ZNRF3: variants seen among roughly 807,000 people sequenced by gnomAD.
ZNRF3 encodes the protein zinc and ring finger 3, also known as E3 ubiquitin-protein ligase ZNRF3.
Under a neutral mutation model 72.5 loss-of-function variants are expected in ZNRF3, and 23 were observed. The observed-to-expected ratio is 0.32, with a 90% CI of 0.23 to 0.45. The LOEUF is 0.45. Among genes scored for constraint, ZNRF3 ranks in the 20% least tolerant of loss-of-function variants. The pLI, the probability that ZNRF3 is intolerant of heterozygous loss-of-function variation, is 1.00. For missense variants in ZNRF3, 1,169 were observed against 1,272.1 expected, an observed-to-expected ratio of 0.92 and a Z score of 1.23; for synonymous variants, 610 against 545.3, an observed-to-expected ratio of 1.12 and a Z score of -1.65.
At chr22:29,031,460 G>A (rs932480151) in intron 2 of ZNRF3, 5 of 348,466 alleles carry the variant, frequency 1.4e-5, no homozygotes, top group Non-Finnish European at 2.0e-5. Context: ...CGGAAAACAG[G>A]GCCCTTGGTG....
rs1018486201 is a variant in ZNRF3 at position 28,883,811 on chromosome 22, C to T, written c.45C>T (p.Arg15=). 3.1e-6 allele frequency: 3 copies of T among 979,438 alleles called. No individual in the cohort carries two copies. In the African/African-American group the frequency reaches 5.3e-5, roughly 17 times the overall value. The allele number at this position is 979,438 out of a possible 1,614,324, so 60.7% of individuals were successfully genotyped here. The change falls in exon 1 of 9, where the codon CGC becomes CGT. Residue 15 remains arginine (R), a synonymous_variant. Coordinates refer to ENST00000544604, the MANE Select transcript of ZNRF3 (RefSeq NM_001206998.2). This position sits in a 1 kb window ranked among gnomAD's most constrained non-coding sequence, Gnocchi z 5.5. ...SGGRPGATGR[R]RRRLRRRPRG... ...GGCGCCCAGGGGCCACGGGCCGCCG[C>T]CGCCGCCGCCTGCGCCGCCGCCCCC...
chr22:29,014,225 A>ACTCACTGATTACTCATCATGTTACTC (rs1315918200), intron 2 of ZNRF3, among the ~76,000 whole-genome samples: 3 of 152,064 alleles, frequency 2.0e-5, no homozygotes, highest in African/African-American at 7.2e-5. Context: ...ATGTTACTCT[A>ACTCACTGATTACTCATCATGTTACTC]ATTATCACTG....
At chr22:28,980,702 C>G (rs558552440) in intron 1 of ZNRF3, among the ~76,000 whole-genome samples, 2 of 152,322 alleles carry the variant, frequency 1.3e-5, no homozygotes, top group South Asian at 4.1e-4. Context: ...CTTGCACTTT[C>G]ATTGTAGCTT....
At chr22:29,011,475 G>T (rs2036346321) in intron 2 of ZNRF3, among the ~76,000 whole-genome samples, 2 of 152,162 alleles carry the variant, frequency 1.3e-5, no homozygotes. Context: ...GGCAGAGGGG[G>T]AAAAACACTC....
intron 1 of ZNRF3, among the ~76,000 whole-genome samples, chr22:28,917,843 C>G (rs946390915): frequency 3.3e-5 from 5 of 152,168 alleles, no homozygotes; most frequent in Non-Finnish European, 5.9e-5. Flanking sequence ...CTGCAGAGGG[C>G]GTGCTGTCCC....
In ZNRF3 at chr22:29,049,881, C is replaced by G. The variant is rs1438476279; in HGVS notation, c.1700C>G (p.Ser567Cys). The G allele has an allele frequency of 6.2e-7, 1 of 1,602,166 alleles. No homozygotes were observed. The highest frequency in any genetic ancestry group is 8.5e-7 in the Non-Finnish European group (1 of 1,173,562). Residue 567 changes from serine (S) to cysteine (C), a missense_variant, in exon 8 of 9, where the codon TCT becomes TGT. Around this residue, in one of 2 missense-constraint regions of ZNRF3, gnomAD observed 783 missense variants for 731.4 expected, o/e 1.07. Transcript: ENST00000544604. The surrounding 1 kb of genome is among the most constrained non-coding windows in gnomAD (Gnocchi z 5.2). The part of the protein sequence containing the change: ...SGQCHCSSSD[S>C]VVDCTEVSNQ... ...CAGTGCCACTGTTCCTCCAGTGACT[C>G]TGTGGTAGACTGCACTGAGGTCAGC...
intron 2 of ZNRF3, among the ~76,000 whole-genome samples, chr22:29,010,695 G>A (rs557356327): frequency 2.0e-5 from 3 of 152,236 alleles, no homozygotes; most frequent in South Asian, 4.2e-4. Flanking sequence ...GTTTGAGACA[G>A]AGTCTCACTC....
At chr22:28,991,398 A>G (rs1168890517) in intron 2 of ZNRF3, among the ~76,000 whole-genome samples, 1 of 151,518 alleles carries the variant, frequency 6.6e-6, no homozygotes, top group African/African-American at 2.4e-5. Context: ...AAGATAAGAA[A>G]GGGAGTTTCA....
At chr22:28,980,731 G>A (rs576893122) in intron 1 of ZNRF3, among the ~76,000 whole-genome samples, 1 of 152,276 alleles carries the variant, frequency 6.6e-6, no homozygotes, top group Admixed American at 6.5e-5. Context: ...TTTGCATGAA[G>A]TTCTTCTGTG....
At chr22:28,973,132 C>T (rs2035607245) in intron 1 of ZNRF3, among the ~76,000 whole-genome samples, 1 of 152,254 alleles carries the variant, frequency 6.6e-6, no homozygotes, top group African/African-American at 2.4e-5. Flanking sequence ...GCGTGTACCA[C>T]CACACCTGGC....
chr22:29,001,985 G>A (rs1485625816), intron 2 of ZNRF3, among the ~76,000 whole-genome samples: 1 of 152,148 alleles, frequency 6.6e-6, no homozygotes, highest in Non-Finnish European at 1.5e-5. Flanking sequence ...AAGCTTTTAA[G>A]TTAATAGAGG....
At chr22:29,011,016 G>A (rs555199307) in intron 2 of ZNRF3, among the ~76,000 whole-genome samples, 13 of 152,030 alleles carry the variant, frequency 8.6e-5, no homozygotes, top group East Asian at 1.9e-4. Flanking sequence ...TTTTTCTTTC[G>A]TCACCTGTGC....
At chr22:28,928,206 T>C (rs2034637739) in intron 1 of ZNRF3, among the ~76,000 whole-genome samples, 2 of 152,198 alleles carry the variant, frequency 1.3e-5, no homozygotes, top group Admixed American at 6.5e-5. Flanking sequence ...AAAAGTTGAA[T>C]GAATAGTTAG....
chr22:28,947,250 G>A (rs970935234), intron 1 of ZNRF3, among the ~76,000 whole-genome samples: 1 of 152,148 alleles, frequency 6.6e-6, no homozygotes, highest in Non-Finnish European at 1.5e-5. Flanking sequence ...CACATTTTAT[G>A]TATCCACTCT....
At chr22:28,964,427 G>A (rs1241439396) in intron 1 of ZNRF3, among the ~76,000 whole-genome samples, 1 of 152,150 alleles carries the variant, frequency 6.6e-6, no homozygotes, top group African/African-American at 2.4e-5. Context: ...AAAGGATTCA[G>A]AGGCTGAGCC....
intron 1 of ZNRF3, among the ~76,000 whole-genome samples, chr22:28,901,678 A>T (rs189476536): frequency 1.5e-5 from 2 of 129,608 alleles, no homozygotes; most frequent in African/African-American, 3.0e-5. Flanking sequence ...TTGCTCTCTC[A>T]CTCAGACTAG....
At chr22:29,040,395 G>A (rs574629080) in intron 2 of ZNRF3, among the ~76,000 whole-genome samples, 1 of 152,162 alleles carries the variant, frequency 6.6e-6, no homozygotes, top group East Asian at 1.9e-4. Context: ...TGGCCAGACT[G>A]GTCTGGAACT....
chr22:28,974,561 TCTC>T (rs1324882849), intron 1 of ZNRF3, among the ~76,000 whole-genome samples: 2 of 152,176 alleles, frequency 1.3e-5, no homozygotes, highest in Non-Finnish European at 2.9e-5. Context: ...AAAGAAAAAA[TCTC>T]CTACTATTCT....
At chr22:28,932,252 T>G (rs2034720335) in intron 1 of ZNRF3, among the ~76,000 whole-genome samples, 3 of 152,154 alleles carry the variant, frequency 2.0e-5, no homozygotes, top group African/African-American at 7.2e-5. Context: ...CTGTTCTGTC[T>G]CCTGGCCTTG....
Sources: allele counts gnomAD v4.1 joint callset (sites outside exome capture counted in the v4.1 genomes callset), GRCh38; gene constraint gnomAD v4.1.1; regional missense constraint gnomAD v4.1.1; non-coding constraint Gnocchi (gnomAD v3.1); transcripts MANE v1.5; gene names NCBI Gene and HGNC (gene_info 2026-07-23, HGNC 2026-07-21).